The following DNAH1 variants were observed in gnomAD, a reference collection of about 807,000 sequenced individuals.
DNAH1 encodes dynein axonemal heavy chain 1.
DNAH1 carries 327 observed loss-of-function variants against 484.3 expected under a neutral mutation model. That is an observed-to-expected ratio of 0.68 (90% CI 0.62 to 0.74). The LOEUF is 0.74. DNAH1 is among the 30% of genes least tolerant of loss of function. The probability of loss-of-function intolerance (pLI) is 0.00; values close to 1 mark genes in which losing one functional copy is unlikely to be tolerated. For synonymous variants in DNAH1, 2,192 were observed against 2,191.9 expected, an observed-to-expected ratio of 1.00 and a Z score of 0.00; for missense variants, 5,052 against 5,546.8, an observed-to-expected ratio of 0.91 and a Z score of 2.83.
rs1578201566 is a variant in DNAH1 at position 52,393,009 on chromosome 3, C to T, written c.10458C>T (p.Ala3486=). 1 of 1,613,516 alleles carries T rather than the reference C, an allele frequency of 6.2e-7. No individual in the cohort carries two copies. The highest frequency in any genetic ancestry group is 8.5e-7 in the Non-Finnish European group (1 of 1,179,646). The change falls in exon 65 of 78, where the codon GCC becomes GCT. Residue 3486 remains alanine (A), a synonymous_variant. Coordinates refer to ENST00000420323, the MANE Select transcript of DNAH1 (RefSeq NM_015512.5). Reference sequence around the variant, plus strand: ...TCAACATCTTCCTCTCGGGCATCGCCAACTCAGAGAGAGCAGGTAGCACCG... The same window carrying T: ...TCAACATCTTCCTCTCGGGCATCGCTAACTCAGAGAGAGCAGGTAGCACCG... ...WFLNIFLSGI[A]NSERADNLKK...
In DNAH1 at chr3:52,372,095, C is replaced by G. The variant is rs1044782695; in HGVS notation, c.6666+9C>G. The stretch of plus-strand genomic sequence containing the variant: ...TCACCAACAAGAAGCCCGTGAGCAC[C>G]CCCCCAGGCCCTGCCTCCACTGTCC... On this transcript the variant is annotated intron_variant, in intron 42 of 77. Coordinates refer to ENST00000420323, the MANE Select transcript of DNAH1 (RefSeq NM_015512.5). The G allele has an allele frequency of 1.2e-6, 2 of 1,612,852 alleles. No individual in the cohort carries two copies. Among genetic ancestry groups the G allele is most frequent in the South Asian group, 2.2e-5 (2 of 91,000 alleles).
In DNAH1 at chr3:52,399,294, G is replaced by A. The variant is rs557998232; in HGVS notation, c.12441+93G>A. 5 of 1,329,540 alleles carry A rather than the reference G, an allele frequency of 3.8e-6. No homozygotes were observed. The African/African-American group carries it at 5.9e-5, about 16-fold the overall frequency. The allele number at this position is 1,329,540 out of a possible 1,614,324, so 82.4% of individuals were successfully genotyped here. A position where few individuals can be genotyped will look rare whatever the true frequency, so the allele number is the denominator to read the frequency against. On this transcript the variant is annotated intron_variant, in intron 76 of 77. Transcript: ENST00000420323. The stretch of plus-strand genomic sequence containing the variant: ...GGCCACGGTTGGTTGGCAGTTGGGG[G>A]ACCCCTAAGCCAGGGCATGGAAAGA...
At chr3:52,375,905 C>T in intron 45 of DNAH1, 50 bp from the exon 46 acceptor site, 1 of 1,604,644 alleles carries the variant, frequency 6.2e-7, no homozygotes, top group Admixed American at 1.7e-5. Context: ...GGGTGAGCAG[C>T]AAGAGGTCCA....
chr3:52,373,628 A>G, intron 44 of DNAH1: 1 of 1,436,778 alleles, frequency 7.0e-7, no homozygotes, highest in Non-Finnish European at 9.8e-7. Context: ...GTAATAGAGA[A>G]CTTCAAAAAC....
chr3:52,395,196 GC>G lies in DNAH1; in HGVS notation c.10969-107del. On this transcript the variant is annotated intron_variant, in intron 68 of 77. Coordinates refer to ENST00000420323, the MANE Select transcript of DNAH1 (RefSeq NM_015512.5). The surrounding 1 kb of genome is among the most constrained non-coding windows in gnomAD (Gnocchi z 4.4). Reference sequence around the variant, plus strand: ...GCTCCCTAAAGGCTCTGAGGTTCCAGCCCCCACCAGGAAGCCCACTGGGGAC... The same window carrying G: ...GCTCCCTAAAGGCTCTGAGGTTCCAGCCCCACCAGGAAGCCCACTGGGGAC... 1 of 1,491,644 alleles carries G rather than the reference GC, an allele frequency of 6.7e-7. No homozygotes were observed. Among genetic ancestry groups the G allele is most frequent in the Non-Finnish European group, 9.0e-7 (1 of 1,111,006 alleles). The allele number at this position is 1,491,644 out of a possible 1,614,324, so 92.4% of individuals were successfully genotyped here. A position where few individuals can be genotyped will look rare whatever the true frequency, so the allele number is the denominator to read the frequency against.
At position 52,344,493 on chromosome 3, in the gene DNAH1, T is replaced by C; in HGVS notation, c.1290T>C (p.Val430=). The C allele has an allele frequency of 6.2e-7, 1 of 1,613,776 alleles. No homozygotes were observed. Among genetic ancestry groups the C allele is most frequent in the Non-Finnish European group, 8.5e-7 (1 of 1,179,728 alleles). ...CATCTCCCATCTCTATGGGCAGGGT[T>C]CTAGAGCACCTCAGCAGTCTTGCCA... ...STPRMRKGPS[V]LEHLSSLARE... is the part of the protein sequence containing the mutation. Residue 430 remains valine, a synonymous_variant, in exon 9 of 78, where the codon GTT becomes GTC. Coordinates refer to ENST00000420323, the MANE Select transcript of DNAH1 (RefSeq NM_015512.5).
chr3:52,390,593 C>T (rs913306119), intron 60 of DNAH1, among the ~76,000 whole-genome samples: 1 of 152,162 alleles, frequency 6.6e-6, no homozygotes, highest in African/African-American at 2.4e-5. Flanking sequence ...TGAAGATGGT[C>T]TCATCAAGTG....
rs2240896 is a variant in DNAH1, at chr3:52,399,934, G to A, written c.12676+155G>A. Among the ~76,000 whole-genome samples, 255 of 152,346 alleles carry A rather than the reference G, an allele frequency of 1.7e-3. 3 individuals are homozygous for A. The East Asian group carries it at 0.047, about 28-fold the overall frequency. ...AGCAGCAGGCAGGTTAATGCCCAAGGCCTGCCGTCTGGCTGTGGGGAGCAC... is the reference window on the plus strand; with the variant it reads ...AGCAGCAGGCAGGTTAATGCCCAAGACCTGCCGTCTGGCTGTGGGGAGCAC... On this transcript the variant is annotated intron_variant, in intron 77 of 77. Coordinates refer to ENST00000420323, the MANE Select transcript of DNAH1 (RefSeq NM_015512.5).
At chr3:52,329,782 G>A (rs1253186465) in intron 6 of DNAH1, among the ~76,000 whole-genome samples, 4 of 150,784 alleles carry the variant, frequency 2.7e-5, no homozygotes, top group Admixed American at 2.0e-4. Flanking sequence ...TGGAGCTCGC[G>A]CCATTGCACT....
chr3:52,371,213 C>G lies in DNAH1; in HGVS notation c.6525+388C>G, dbSNP rs545782893. 2.0e-5 allele frequency among the ~76,000 whole-genome samples: 3 copies of G among 152,360 alleles called. No homozygotes were observed. In the East Asian group the frequency reaches 5.8e-4, roughly 29 times the overall value. On this transcript the variant is annotated intron_variant, in intron 41 of 77. Coordinates refer to ENST00000420323, the MANE Select transcript of DNAH1 (RefSeq NM_015512.5). The stretch of plus-strand genomic sequence containing the variant: ...GGGGGCAAGCTCTTGAAGCCTGCTT[C>G]AGTGTCCTCATCGCTACTATCAGCT...
chr3:52,370,913 C>A, intron 41 of DNAH1, 88 bp downstream of exon 41: 1 of 1,327,232 alleles, frequency 7.5e-7, no homozygotes, highest in Non-Finnish European at 1.0e-6. Flanking sequence ...ACACAGGGAG[C>A]CGTCACATTG....
chr3:52,394,103 A>G (rs573133920), intron 66 of DNAH1, among the ~76,000 whole-genome samples: 143 of 152,352 alleles, frequency 9.4e-4, no homozygotes, highest in Non-Finnish European at 1.5e-3. Context: ...ATGAAGCCCT[A>G]TGCATTTCGT....
rs185130349 is a variant in DNAH1, at chr3:52,352,420, C to T, written c.2872-132C>T. 1.4e-3 allele frequency: 1,852 copies of T among 1,290,268 alleles called. 3 individuals are homozygous for T. The highest frequency in any genetic ancestry group is 2.6e-3 in the Middle Eastern group (11 of 4,160). The allele number at this position is 1,290,268 out of a possible 1,614,324, so 79.9% of individuals were successfully genotyped here. On this transcript the variant is annotated intron_variant, in intron 17 of 77. Transcript: ENST00000420323. ...CTTTGCTGTGAGGAACCTGCTCACT[C>T]CAGGAGAACAACCTCCTTAGAACTC...
intron 8 of DNAH1, among the ~76,000 whole-genome samples, chr3:52,342,691 C>T (rs536940473): frequency 1.3e-5 from 2 of 152,228 alleles, no homozygotes; most frequent in African/African-American, 2.4e-5. Context: ...CTCCGTAGGG[C>T]TTTGGTCAGT....
At chr3:52,343,977 G>GT (rs1365773364) in intron 8 of DNAH1, among the ~76,000 whole-genome samples, 1 of 152,230 alleles carries the variant, frequency 6.6e-6, no homozygotes, top group African/African-American at 2.4e-5. Context: ...TCGGAGCCCA[G>GT]TTTCAAAGTG....
chr3:52,362,468 C>T lies in DNAH1; in HGVS notation c.5061C>T (p.Tyr1687=), dbSNP rs750180706. 31 of 1,613,816 alleles carry T rather than the reference C, an allele frequency of 1.9e-5. No homozygotes were observed. The highest frequency in any genetic ancestry group is 8.8e-5 in the South Asian group (8 of 91,078). The change falls in exon 31 of 78, where the codon TAC becomes TAT. Residue 1687 remains tyrosine (Y), a synonymous_variant. Transcript: ENST00000420323. This position sits in a 1 kb window ranked among gnomAD's most constrained non-coding sequence, Gnocchi z 5.1. ...CAVFITMNPG[Y]AGRTELPDNL... ...TGTTTATCACCATGAACCCGGGCTA[C>T]GCTGGCCGCACGGAGCTGCCTGACA... is the stretch of plus-strand genomic sequence containing the variant.
intron 28 of DNAH1, among the ~76,000 whole-genome samples, chr3:52,360,933 G>T (rs1702828030): frequency 6.6e-6 from 1 of 152,030 alleles, no homozygotes; most frequent in Admixed American, 6.5e-5. Context: ...GCCACATGTC[G>T]GCCATCCCCA....
Position 52,359,249 on chromosome 3 carries a change from C to A in DNAH1, c.4270C>A (p.Pro1424Thr). 6.4e-7 allele frequency: 1 copy of A among 1,565,798 alleles called. No individual in the cohort carries two copies. Among genetic ancestry groups the A allele is most frequent in the Admixed American group, 1.9e-5 (1 of 53,860 alleles). Residue 1424 changes from proline (P) to threonine (T), a missense_variant, in exon 26 of 78, where the codon CCC becomes ACC. Pro to Thr is a conservative substitution (Grantham distance 38). This residue lies in a region of DNAH1 where 2,929 missense variants were observed against 3,409.4 expected (regional missense o/e 0.86). Transcript: ENST00000420323. ...CCTGCCCATGCTGTCTTCCCAGATG[C>A]CCAGGACCCAGTGGGTTCTGAACTG... Reference protein sequence around the residue: ...EKAIRAYPTMPRTQWVLNWPG... With the variant: ...EKAIRAYPTMTRTQWVLNWPG...
At chr3:52,366,935 T>C in intron 36 of DNAH1, 48 bp downstream of exon 36, 1 of 1,567,188 alleles carries the variant, frequency 6.4e-7, no homozygotes, top group Non-Finnish European at 8.7e-7. Flanking sequence ...CCCAGACCTC[T>C]GGAGGCTGTG....
Sources: gnomAD v4.1 joint callset for allele counts (sites outside exome capture counted in the v4.1 genomes callset) on GRCh38, gnomAD v4.1.1 for gene constraint, gnomAD v4.1.1 regional missense constraint, Gnocchi (gnomAD v3.1) non-coding constraint, MANE v1.5 for transcripts, NCBI Gene and HGNC (gene_info 2026-07-23, HGNC 2026-07-21) for gene names.